Variants in GAP43 observed in about 807,000 individuals in gnomAD.
GAP43 encodes the protein growth associated protein 43.
A neutral mutation model predicts 18.6 loss-of-function variants in GAP43; 6 were observed. The observed-to-expected ratio is 0.32, with a 90% confidence interval of 0.18 to 0.64. The LOEUF is 0.64. Ranked by LOEUF, GAP43 falls within the 30% of genes least tolerant of loss-of-function variation. The pLI is 0.78. For missense variants in GAP43, 292 were observed against 295.5 expected (o/e 0.99, Z 0.09); for synonymous variants, 115 against 111.4 (o/e 1.03, Z -0.20).
intron 2 of GAP43, among the ~76,000 whole-genome samples, chr3:115,694,990 T>TTTA (rs903191694): frequency 2.0e-5 from 3 of 152,226 alleles, no homozygotes; most frequent in African/African-American, 7.2e-5. Context: ...GAAGTGTTAG[T>TTTA]TGATAAAGAC....
intron 2 of GAP43, among the ~76,000 whole-genome samples, chr3:115,706,232 G>A (rs1182503266): frequency 6.6e-6 from 1 of 152,090 alleles, no homozygotes; most frequent in Non-Finnish European, 1.5e-5. Flanking sequence ...GAAACTTAAG[G>A]AATCAATTAT....
intron 1 of GAP43, among the ~76,000 whole-genome samples, chr3:115,631,462 C>A (rs1708259240): frequency 1.3e-5 from 2 of 152,138 alleles, no homozygotes; most frequent in South Asian, 4.2e-4. Context: ...GTTTTGCAAA[C>A]AATGTGTTTT....
chr3:115,700,533 A>G (rs576678208), intron 2 of GAP43, among the ~76,000 whole-genome samples: 3 of 152,074 alleles, frequency 2.0e-5, no homozygotes, highest in Non-Finnish European at 4.4e-5. Context: ...GTAACATGTA[A>G]ATAAACCCAC....
chr3:115,706,394 A>G (rs1709363042), intron 2 of GAP43, among the ~76,000 whole-genome samples: 1 of 103,998 alleles, frequency 9.6e-6, no homozygotes, highest in Admixed American at 9.7e-5. Flanking sequence ...TTTACTACCC[A>G]GCTGGGGGGT....
chr3:115,649,519 G>A (rs1388749910), intron 1 of GAP43, among the ~76,000 whole-genome samples: 19 of 152,068 alleles, frequency 1.2e-4, no homozygotes, highest in Non-Finnish European at 2.4e-4. Flanking sequence ...AAGGGTAACA[G>A]AAGAAATCAA....
In GAP43 at chr3:115,676,103, A is replaced by G. The variant is rs762664283; in HGVS notation, c.121A>G (p.Ser41Gly). The G allele has an allele frequency of 1.1e-5, 17 of 1,614,098 alleles. No individual in the cohort carries two copies. The South Asian group carries it at 1.9e-4, about 18-fold the overall frequency. ...TAAGGCCGCAACCAAAATTCAGGCT[A>G]GCTTCCGTGGACACATAACAAGGAA... ...AHKAATKIQA[S>G]FRGHITRKKL... Residue 41 changes from serine (S) to glycine (G), a missense_variant, in exon 2 of 3, where the codon AGC (serine) becomes GGC (glycine). Coordinates refer to ENST00000305124, the MANE Select transcript of GAP43 (RefSeq NM_002045.4).
chr3:115,660,817 A>T (rs1232000338), intron 1 of GAP43, among the ~76,000 whole-genome samples: 1 of 152,212 alleles, frequency 6.6e-6, no homozygotes, highest in Non-Finnish European at 1.5e-5. Flanking sequence ...TTGCTGGTCC[A>T]CATGTGGAAC....
chr3:115,716,407 G>C (rs1370076357), intron 2 of GAP43, among the ~76,000 whole-genome samples: 1 of 152,140 alleles, frequency 6.6e-6, no homozygotes, highest in Admixed American at 6.5e-5. Context: ...GGGCTAGCTA[G>C]AGCAGGTGTA....
At chr3:115,686,020 T>C (rs2107354797) in intron 2 of GAP43, among the ~76,000 whole-genome samples, 1 of 152,350 alleles carries the variant, frequency 6.6e-6, no homozygotes, top group Middle Eastern at 3.4e-3. Context: ...ACAGCCTTTA[T>C]TTGTAGTTTT....
intron 2 of GAP43, among the ~76,000 whole-genome samples, chr3:115,692,652 TGAG>T (rs1306695659): frequency 1.3e-5 from 2 of 152,126 alleles, no homozygotes; most frequent in Non-Finnish European, 2.9e-5. Flanking sequence ...TTTGTGCCAG[TGAG>T]GAGAAGGTAG....
chr3:115,715,734 C>A (rs1709494919), intron 2 of GAP43, among the ~76,000 whole-genome samples: 1 of 152,162 alleles, frequency 6.6e-6, no homozygotes, highest in African/African-American at 2.4e-5. Flanking sequence ...AGGATTCTTC[C>A]CTTCATTTTT....
intron 2 of GAP43, among the ~76,000 whole-genome samples, chr3:115,695,241 C>T (rs1709169917): frequency 6.6e-6 from 1 of 152,162 alleles, no homozygotes; most frequent in African/African-American, 2.4e-5. Flanking sequence ...GAACCTTAGA[C>T]TAACTGGGAA....
chr3:115,683,006 A>G (rs1487432997), intron 2 of GAP43, among the ~76,000 whole-genome samples: 4 of 152,182 alleles, frequency 2.6e-5, no homozygotes, highest in African/African-American at 7.2e-5. Flanking sequence ...TCTTCCCCCA[A>G]TTTTAAAGTT....
At chr3:115,650,459 G>T (rs908698957) in intron 1 of GAP43, among the ~76,000 whole-genome samples, 2 of 152,002 alleles carry the variant, frequency 1.3e-5, no homozygotes, top group East Asian at 1.9e-4. Context: ...GTTTATTTCG[G>T]GTAGCCATCT....
chr3:115,696,329 C>A (rs998456746), intron 2 of GAP43, among the ~76,000 whole-genome samples: 19 of 151,746 alleles, frequency 1.3e-4, no homozygotes, highest in African/African-American at 4.6e-4. Context: ...TCCTTTTTTT[C>A]TTTTCCTTTG....
intron 1 of GAP43, among the ~76,000 whole-genome samples, chr3:115,670,611 A>C (rs1462110714): frequency 1.3e-5 from 2 of 152,214 alleles, no homozygotes; most frequent in African/African-American, 4.8e-5. Context: ...CATTTTCCCT[A>C]AAGTCAATTG....
At chr3:115,656,071 G>C (rs903967483) in intron 1 of GAP43, among the ~76,000 whole-genome samples, 2 of 152,236 alleles carry the variant, frequency 1.3e-5, no homozygotes, top group Middle Eastern at 3.4e-3. Flanking sequence ...AAAAACACAG[G>C]GGGTGATGAG....
intron 1 of GAP43, among the ~76,000 whole-genome samples, chr3:115,636,500 A>T (rs1708332424): frequency 6.6e-6 from 1 of 152,114 alleles, no homozygotes; most frequent in Non-Finnish European, 1.5e-5. Flanking sequence ...TCTCTTGTGC[A>T]TCTAGATGGG....
intron 2 of GAP43, among the ~76,000 whole-genome samples, chr3:115,698,830 G>T (rs1235327118): frequency 6.6e-6 from 1 of 152,120 alleles, no homozygotes; most frequent in African/African-American, 2.4e-5. Context: ...TACATATAAT[G>T]ACTTGGCCCT....
Sources: allele counts gnomAD v4.1 joint callset (sites outside exome capture counted in the v4.1 genomes callset), GRCh38; gene constraint gnomAD v4.1.1; transcripts MANE v1.5; gene names NCBI Gene and HGNC (gene_info 2026-07-23, HGNC 2026-07-21).